The following UTRN variants were observed in gnomAD, a reference collection of about 807,000 sequenced individuals.
UTRN encodes the protein utrophin.
In UTRN, 283 loss-of-function variants were observed where a neutral mutation model predicts 463.9. That is an observed-to-expected ratio of 0.61 (90% CI 0.55 to 0.67). The LOEUF is 0.67. UTRN is among the 30% of genes least tolerant of loss of function. The probability of loss-of-function intolerance (pLI) is 0.00; values close to 1 mark genes in which losing one functional copy is unlikely to be tolerated. For missense variants in UTRN, 3,922 were observed against 4,084.3 expected (o/e 0.96, Z 1.08); for synonymous variants, 1,442 against 1,431.5 (o/e 1.01, Z -0.17).
chr6:144,473,193 T>C (rs1181572087), intron 23 of UTRN, among the ~76,000 whole-genome samples: 1 of 152,210 alleles, frequency 6.6e-6, no homozygotes, highest in African/African-American at 2.4e-5. Context: ...CTGGATTTTA[T>C]ATATATAGTA....
rs777044763 is a variant in UTRN at position 144,491,080 on chromosome 6, A to C, written c.4415A>C (p.Gln1472Pro). 6.2e-7 allele frequency: 1 copy of C among 1,609,856 alleles called. No homozygotes were observed. Among genetic ancestry groups the C allele is most frequent in the Non-Finnish European group, 8.5e-7 (1 of 1,178,732 alleles). ...AAGGACGTAGACCCTGACGTCATAC[A>C]GACGCACCTGGACAAGTGTATGGTG... The part of the protein sequence containing the change: ...DVKDVDPDVI[Q>P]THLDKCMKLY... The change falls in exon 32 of 75, where the codon CAG (glutamine) becomes CCG (proline). Residue 1472 changes from glutamine to proline, a missense_variant. Gln to Pro is a moderately conservative substitution (Grantham distance 76). This residue lies in a region of UTRN where 2,349 missense variants were observed against 2,303.8 expected (regional missense o/e 1.02). Transcript: ENST00000367545.
At chr6:144,305,902 TAGG>T (rs1805691407) in intron 2 of UTRN, among the ~76,000 whole-genome samples, 1 of 152,262 alleles carries the variant, frequency 6.6e-6, no homozygotes, top group South Asian at 2.1e-4. Flanking sequence ...CAGATCTGGA[TAGG>T]AGATTCACTG....
intron 50 of UTRN, among the ~76,000 whole-genome samples, chr6:144,570,661 A>G (rs1015383446): frequency 7.9e-5 from 12 of 152,164 alleles, no homozygotes; most frequent in African/African-American, 7.2e-5. Context: ...TAATTTGTCA[A>G]TGGGTGGTCT....
intron 2 of UTRN, among the ~76,000 whole-genome samples, chr6:144,391,888 C>T (rs955750024): frequency 8.5e-5 from 13 of 152,202 alleles, no homozygotes; most frequent in African/African-American, 2.9e-4. Flanking sequence ...GATCTGCCCT[C>T]CTTGGCCTCC....
chr6:144,435,143 C>T (rs1225253602), intron 9 of UTRN, among the ~76,000 whole-genome samples: 1 of 152,118 alleles, frequency 6.6e-6, no homozygotes, highest in African/African-American at 2.4e-5. Context: ...GTATTGTTCT[C>T]TATACGTTTC....
chr6:144,341,358 G>A (rs536574461), intron 2 of UTRN, among the ~76,000 whole-genome samples: 2 of 151,960 alleles, frequency 1.3e-5, no homozygotes, highest in South Asian at 4.2e-4. Context: ...AGTTTTGGGG[G>A]GATCAAAAAA....
At chr6:144,611,997 G>A (rs778759119) in intron 51 of UTRN, among the ~76,000 whole-genome samples, 3 of 152,222 alleles carry the variant, frequency 2.0e-5, no homozygotes, top group South Asian at 2.1e-4. Context: ...GAACAGCATA[G>A]TACTGTCATA....
In UTRN at chr6:144,698,434, T is replaced by G. The variant is rs541428723; in HGVS notation, c.7653-1653T>G. Among the ~76,000 whole-genome samples, 18 of 152,356 alleles carry G rather than the reference T, an allele frequency of 1.2e-4. 1 individual carries two copies. In the East Asian group the frequency reaches 3.5e-3, roughly 29 times the overall value. On this transcript the variant is annotated intron_variant, in intron 52 of 74. Coordinates refer to ENST00000367545, the MANE Select transcript of UTRN (RefSeq NM_007124.3). ...TCGTTCTGTATTTAAACTTTTTTTA[T>G]TATTTCACACAGCGTTTTTTAATCA... is the stretch of plus-strand genomic sequence containing the variant.
Position 144,595,284 on chromosome 6 carries a change from C to T in UTRN, c.7479+17996C>T, listed in dbSNP as rs370809900. On this transcript the variant is annotated intron_variant, in intron 51 of 74. Transcript: ENST00000367545. ...TGCAGAGCTGGAGTATTATGGAAAT[C>T]GAAATATTAAATTTCCTATGAATAA... Among the ~76,000 whole-genome samples the T allele has an allele frequency of 4.6e-5, 7 of 152,218 alleles. No homozygotes were observed. In the East Asian group the frequency reaches 7.7e-4, roughly 17 times the overall value.
intron 64 of UTRN, among the ~76,000 whole-genome samples, chr6:144,798,858 C>T (rs183050693): frequency 1.2e-4 from 18 of 152,374 alleles, no homozygotes; most frequent in Non-Finnish European, 2.5e-4. Context: ...TCCCCTGCCT[C>T]GGCCTCCCGA....
chr6:144,374,519 C>CT (rs775489840), intron 2 of UTRN, among the ~76,000 whole-genome samples: 3 of 151,282 alleles, frequency 2.0e-5, no homozygotes, highest in Non-Finnish European at 4.4e-5. Context: ...GAGTCTCACT[C>CT]TGTCACCAGG....
chr6:144,412,231 CT>C (rs932155450), intron 3 of UTRN, among the ~76,000 whole-genome samples: 3 of 152,074 alleles, frequency 2.0e-5, no homozygotes, highest in Non-Finnish European at 4.4e-5. Flanking sequence ...AATACATAAA[CT>C]TTGTAAAAAT....
intron 17 of UTRN, among the ~76,000 whole-genome samples, chr6:144,450,294 C>T (rs1788134971): frequency 6.6e-6 from 1 of 152,170 alleles, no homozygotes; most frequent in Non-Finnish European, 1.5e-5. Flanking sequence ...GCAGGGCCTT[C>T]TTGTAGCTGG....
At chr6:144,495,892 G>A (rs1793597466) in intron 33 of UTRN, among the ~76,000 whole-genome samples, 1 of 152,086 alleles carries the variant, frequency 6.6e-6, no homozygotes. Context: ...AGGAAAAATG[G>A]GAAATAATAA....
intron 34 of UTRN, among the ~76,000 whole-genome samples, chr6:144,504,022 T>C (rs189851137): frequency 1.3e-5 from 2 of 152,338 alleles, no homozygotes; most frequent in East Asian, 3.9e-4. Flanking sequence ...GAATGGGAGT[T>C]CACTCATGAT....
At chr6:144,732,231 T>C (rs865907395) in intron 54 of UTRN, among the ~76,000 whole-genome samples, 106 of 29,674 alleles carry the variant, frequency 3.6e-3, no homozygotes, top group African/African-American at 0.011. Context: ...TATATATATA[T>C]ATATATACAT....
At chr6:144,788,010 C>T (rs1206983281) in intron 61 of UTRN, among the ~76,000 whole-genome samples, 8 of 152,052 alleles carry the variant, frequency 5.3e-5, no homozygotes, top group African/African-American at 1.9e-4. Flanking sequence ...AGGACTGGGA[C>T]TACTGTGACT....
Position 144,589,866 on chromosome 6 carries a change from CT to C in UTRN, c.7479+12585del, listed in dbSNP as rs901691443. 2.1e-5 allele frequency among the ~76,000 whole-genome samples: 3 copies of C among 145,088 alleles called. No homozygotes were observed. In the East Asian group the frequency reaches 6.0e-4, roughly 29 times the overall value. On this transcript the variant is annotated intron_variant, in intron 51 of 74. Transcript: ENST00000367545. ...TTATTGCTGACAGCTTTTTTTTTTT[CT>C]TTTTTTGAGACAGGGTCTCTGTCAC...
At chr6:144,291,586 T>G (rs1316482652) in intron 1 of UTRN, among the ~76,000 whole-genome samples, 151 bp from the exon 2 acceptor site, 2 of 152,258 alleles carry the variant, frequency 1.3e-5, no homozygotes, top group Non-Finnish European at 2.9e-5. Context: ...GCTATGTCTC[T>G]TGTTCATAGT....
Sources: gnomAD v4.1 joint callset for allele counts (sites outside exome capture counted in the v4.1 genomes callset) on GRCh38, gnomAD v4.1.1 for gene constraint, gnomAD v4.1.1 regional missense constraint, MANE v1.5 for transcripts, NCBI Gene and HGNC (gene_info 2026-07-23, HGNC 2026-07-21) for gene names.